Variants in UNC13C observed in about 807,000 individuals in gnomAD.
UNC13C encodes unc-13 homolog C, also known as protein unc-13 homolog C.
In UNC13C, 174 loss-of-function variants were observed where a neutral mutation model predicts 245.4. The observed-to-expected ratio is 0.71, with a 90% CI of 0.63 to 0.80. The LOEUF is 0.80. Ranked by LOEUF, UNC13C falls within the 30% of genes least tolerant of loss-of-function variation. The probability of loss-of-function intolerance (pLI) is 0.00; values close to 1 mark genes in which losing one functional copy is unlikely to be tolerated. For missense variants in UNC13C, 2,829 were observed against 2,602.9 expected (o/e 1.09, Z -1.89); for synonymous variants, 992 against 895.1 (o/e 1.11, Z -1.93).
chr15:54,081,712 A>G (rs1898952005), intron 2 of UNC13C, among the ~76,000 whole-genome samples: 1 of 152,068 alleles, frequency 6.6e-6, no homozygotes, highest in South Asian at 2.1e-4. Flanking sequence ...CTTGAAGGCA[A>G]CAGCAGGTTG....
chr15:53,993,654 C>T (rs953711838), intron 1 of UNC13C, among the ~76,000 whole-genome samples: 1 of 152,020 alleles, frequency 6.6e-6, no homozygotes, highest in African/African-American at 2.4e-5. Context: ...GTCCTTCTTC[C>T]TCCAAAGACA....
At chr15:54,593,637 G>T (rs1017981825) in intron 30 of UNC13C, among the ~76,000 whole-genome samples, 43 of 151,718 alleles carry the variant, frequency 2.8e-4, no homozygotes, top group African/African-American at 1.0e-3. Context: ...GACTTTTCAG[G>T]GCATTTCATG....
chr15:54,280,594 C>T (rs2036954034), intron 10 of UNC13C, among the ~76,000 whole-genome samples: 1 of 149,540 alleles, frequency 6.7e-6, no homozygotes, highest in Non-Finnish European at 1.5e-5. Context: ...CTCTCTCTCT[C>T]TCTCTTGCTC....
intron 14 of UNC13C, among the ~76,000 whole-genome samples, chr15:54,323,294 G>T (rs2038213841): frequency 6.6e-6 from 1 of 151,898 alleles, no homozygotes; most frequent in Admixed American, 6.6e-5. Context: ...TGTATGAAGT[G>T]AATTAGAATA....
chr15:53,948,300 G>A, the UNC13C span: 1 of 152,166 alleles, frequency 6.6e-6, no homozygotes, highest in East Asian at 1.9e-4. Context: ...TCAGAAGAAA[G>A]TACTCTGTTG....
At chr15:54,469,238 CT>C (rs1425650433) in intron 19 of UNC13C, among the ~76,000 whole-genome samples, 1 of 151,434 alleles carries the variant, frequency 6.6e-6, no homozygotes, top group Non-Finnish European at 1.5e-5. Flanking sequence ...TTTATTATTA[CT>C]GTGTAGAAAT....
chr15:53,974,490 A>G (rs1236458708), upstream of UNC13C, among the ~76,000 whole-genome samples: 5 of 152,224 alleles, frequency 3.3e-5, no homozygotes, highest in African/African-American at 1.2e-4. Context: ...AGGAGCTCGC[A>G]GTCCAGCAAG....
At chr15:54,020,732 A>AT (rs950612366) in intron 2 of UNC13C, among the ~76,000 whole-genome samples, 7 of 152,196 alleles carry the variant, frequency 4.6e-5, no homozygotes, top group African/African-American at 1.7e-4. Flanking sequence ...TGAATTTAAA[A>AT]TTTTAGAAAT....
the UNC13C span, among the ~76,000 whole-genome samples, chr15:53,864,949 C>T: frequency 6.6e-6 from 1 of 152,054 alleles, no homozygotes; most frequent in African/African-American, 2.4e-5. Flanking sequence ...GGGCATTAAC[C>T]AGGGGTCAGA....
intron 30 of UNC13C, among the ~76,000 whole-genome samples, chr15:54,582,331 T>C (rs945749810): frequency 1.3e-5 from 2 of 152,100 alleles, no homozygotes; most frequent in South Asian, 2.1e-4. Context: ...GGGAGCTGAT[T>C]TGAGGCACAA....
the UNC13C span, among the ~76,000 whole-genome samples, chr15:53,886,826 T>C: frequency 2.6e-5 from 4 of 152,166 alleles, no homozygotes; most frequent in Non-Finnish European, 5.9e-5. Context: ...ACTTTACCTC[T>C]GTGATTTACC....
intron 13 of UNC13C, among the ~76,000 whole-genome samples, chr15:54,311,450 C>T (rs1017883032): frequency 1.3e-5 from 2 of 151,624 alleles, no homozygotes; most frequent in Non-Finnish European, 3.0e-5. Flanking sequence ...AAGAAAAACA[C>T]TATGGTAATG....
intron 16 of UNC13C, among the ~76,000 whole-genome samples, chr15:54,334,352 T>C (rs936900802): frequency 6.6e-6 from 1 of 152,130 alleles, no homozygotes; most frequent in Non-Finnish European, 1.5e-5. Context: ...ACAAACCAGG[T>C]ATTTCTTTTT....
intron 10 of UNC13C, among the ~76,000 whole-genome samples, chr15:54,277,942 AC>A: frequency 2.6e-5 from 4 of 152,162 alleles, no homozygotes; most frequent in African/African-American, 4.8e-5. Context: ...AGGCTACTCT[AC>A]AGTTAGAGTC....
chr15:54,542,328 C>T (rs1896283917), intron 26 of UNC13C, among the ~76,000 whole-genome samples: 1 of 152,066 alleles, frequency 6.6e-6, no homozygotes, highest in African/African-American at 2.4e-5. Context: ...TTTCTTAATC[C>T]TGAGTTCTAA....
intron 4 of UNC13C, among the ~76,000 whole-genome samples, chr15:54,144,479 A>G (rs983663367): frequency 1.3e-5 from 2 of 152,124 alleles, no homozygotes; most frequent in Non-Finnish European, 2.9e-5. Flanking sequence ...TGAGGTAAGT[A>G]CTATTTTGAC....
chr15:54,379,674 A>G (rs1187194413), intron 17 of UNC13C, among the ~76,000 whole-genome samples: 1 of 152,056 alleles, frequency 6.6e-6, no homozygotes, highest in Non-Finnish European at 1.5e-5. Context: ...TATTTCTATC[A>G]AGCAACCTAC....
chr15:54,427,231 A>AG (rs2040777413), intron 19 of UNC13C, among the ~76,000 whole-genome samples: 1 of 151,742 alleles, frequency 6.6e-6, no homozygotes, highest in Non-Finnish European at 1.5e-5. Flanking sequence ...GGAAGGACCC[A>AG]GGGGGAGATA....
Position 54,626,811 on chromosome 15 carries a change from A to C in UNC13C, c.6360-17A>C. On this transcript the variant is annotated splice_polypyrimidine_tract_variant and intron_variant, in intron 32 of 32. Transcript: ENST00000260323. ...AGTAAAGTTTTTGCTCAAAATTTGTATTTTTAATCCACACAGCATTCTCGG... is the reference window on the plus strand; with the variant it reads ...AGTAAAGTTTTTGCTCAAAATTTGTCTTTTTAATCCACACAGCATTCTCGG... 1 of 1,593,812 alleles carries C rather than the reference A, an allele frequency of 6.3e-7. No homozygotes were observed. Among genetic ancestry groups the C allele is most frequent in the Non-Finnish European group, 8.5e-7 (1 of 1,170,248 alleles).
Sources: allele counts gnomAD v4.1 joint callset (sites outside exome capture counted in the v4.1 genomes callset), GRCh38; gene constraint gnomAD v4.1.1; transcripts MANE v1.5; gene names NCBI Gene and HGNC (gene_info 2026-07-23, HGNC 2026-07-21).